The following RYR3 variants were observed in gnomAD, a reference collection of about 807,000 sequenced individuals.
RYR3 encodes the protein ryanodine receptor 3.
In RYR3, 207 loss-of-function variants were observed where a neutral mutation model predicts 584.3. The ratio of observed to expected loss-of-function variants is 0.35; its 90% CI spans 0.32 to 0.40. The LOEUF (loss-of-function observed/expected upper bound fraction) is 0.40, where lower values mean the gene tolerates loss of function less well. RYR3 is among the 10% of genes least tolerant of loss of function. The pLI is 1.00. For missense variants in RYR3, 5,616 were observed against 6,089.2 expected (o/e 0.92, Z 2.59); for synonymous variants, 2,416 against 2,248.5 (o/e 1.07, Z -2.11).
chr15:33,786,671 G>A (rs1389469913), intron 66 of RYR3, among the ~76,000 whole-genome samples: 1 of 152,158 alleles, frequency 6.6e-6, no homozygotes, highest in African/African-American at 2.4e-5. Flanking sequence ...TACAGTCCAA[G>A]GAGATAGAAG....
intron 60 of RYR3, among the ~76,000 whole-genome samples, chr15:33,765,652 A>AG (rs2072981794): frequency 1.3e-5 from 2 of 149,376 alleles, no homozygotes; most frequent in African/African-American, 5.1e-5. Flanking sequence ...AAAAAAAAAA[A>AG]AAAGAAAATA....
Position 33,842,748 on chromosome 15 carries a change from A to G in RYR3, c.13209+713A>G, listed in dbSNP as rs114698211. On this transcript the variant is annotated intron_variant, in intron 91 of 103. Coordinates refer to ENST00000634891, the MANE Select transcript of RYR3 (RefSeq NM_001036.6). ...TGAGGACTGAGGCCACAGAATGGCT[A>G]CATCCAGGTTGGGAGTTGCCAGGGT... 2.9e-3 allele frequency among the ~76,000 whole-genome samples: 446 copies of G among 152,320 alleles called. 2 individuals are homozygous for G. Among genetic ancestry groups the G allele is most frequent in the African/African-American group, 0.01 (425 of 41,560 alleles).
chr15:33,830,974 T>C lies in RYR3; in HGVS notation c.11346T>C (p.Ser3782=). ...DYLLRLQESI[S]DFYWYYSGKD... ...TCATTTGTTTTTAGGAATCAATCAG[T>C]GATTTCTACTGGTATTATTCAGGGA... Residue 3782 remains serine (S), a synonymous_variant, in exon 86 of 104, where the codon AGT becomes AGC. Coordinates refer to ENST00000634891, the MANE Select transcript of RYR3 (RefSeq NM_001036.6). 6.2e-7 allele frequency: 1 copy of C among 1,613,212 alleles called. No homozygotes were observed. The highest frequency in any genetic ancestry group is 8.5e-7 in the Non-Finnish European group (1 of 1,179,610).
chr15:33,396,054 G>C (rs906531186), intron 1 of RYR3, among the ~76,000 whole-genome samples: 1 of 152,096 alleles, frequency 6.6e-6, no homozygotes, highest in Non-Finnish European at 1.5e-5. Context: ...TCATCCACCT[G>C]TGCTGTCATT....
intron 1 of RYR3, among the ~76,000 whole-genome samples, chr15:33,330,775 G>T (rs1339227755): frequency 1.3e-5 from 2 of 152,260 alleles, no homozygotes; most frequent in East Asian, 3.9e-4. Context: ...TAGTCCCAGG[G>T]TTATCAATCC....
intron 99 of RYR3, among the ~76,000 whole-genome samples, chr15:33,858,373 T>A (rs1351979244): frequency 6.6e-6 from 1 of 151,918 alleles, no homozygotes; most frequent in African/African-American, 2.4e-5. Flanking sequence ...CCTGGCTAAT[T>A]TTGTATTTTT....
At chr15:33,572,981 TAAATAAA>T (rs1390653900) in intron 12 of RYR3, among the ~76,000 whole-genome samples, 1 of 152,078 alleles carries the variant, frequency 6.6e-6, no homozygotes, top group Non-Finnish European at 1.5e-5. Flanking sequence ...TCTCAAAAAA[TAAATAAA>T]AAATAAAAAT....
intron 2 of RYR3, among the ~76,000 whole-genome samples, chr15:33,497,888 G>A (rs1440697175): frequency 6.6e-6 from 1 of 151,932 alleles, no homozygotes; most frequent in African/African-American, 2.4e-5. Flanking sequence ...CCAGCCTCTA[G>A]TAACCACCAT....
intron 31 of RYR3, among the ~76,000 whole-genome samples, chr15:33,649,775 C>A (rs150916124): frequency 2.1e-3 from 319 of 152,308 alleles, no homozygotes; most frequent in African/African-American, 7.4e-3. Flanking sequence ...CATACCCATA[C>A]CCTCCCACTG....
At chr15:33,563,741 T>C (rs2057543314) in intron 11 of RYR3, among the ~76,000 whole-genome samples, 1 of 152,156 alleles carries the variant, frequency 6.6e-6, no homozygotes, top group African/African-American at 2.4e-5. Context: ...CCTAAGGTAG[T>C]CATGATGAAC....
intron 1 of RYR3, among the ~76,000 whole-genome samples, chr15:33,366,660 A>C (rs1259506212): frequency 6.6e-6 from 1 of 152,152 alleles, no homozygotes; most frequent in Non-Finnish European, 1.5e-5. Context: ...AAATCAGAGG[A>C]GGGGTTTGCT....
chr15:33,773,451 T>C, intron 63 of RYR3, 83 bp from the exon 64 acceptor site: 1 of 899,022 alleles, frequency 1.1e-6, no homozygotes, highest in South Asian at 1.4e-5. Context: ...TTACTGATGC[T>C]CATGCATTTT....
At chr15:33,358,342 CAAT>C (rs964018953) in intron 1 of RYR3, among the ~76,000 whole-genome samples, 1 of 152,162 alleles carries the variant, frequency 6.6e-6, no homozygotes, top group Non-Finnish European at 1.5e-5. Flanking sequence ...AGTCTATCAA[CAAT>C]AAGTGAAACT....
chr15:33,785,568 T>C (rs2074654905), intron 65 of RYR3, 94 bp from the exon 66 acceptor site: 2 of 1,029,062 alleles, frequency 1.9e-6, no homozygotes, highest in Admixed American at 2.9e-5. Flanking sequence ...AGAAATTTAT[T>C]CCTAAAGACC....
Position 33,755,926 on chromosome 15 carries a change from C to T in RYR3, c.8516-380C>T, listed in dbSNP as rs559352202. Among the ~76,000 whole-genome samples the T allele has an allele frequency of 5.5e-4, 84 of 152,188 alleles. 1 individual carries two copies. The highest frequency in any genetic ancestry group is 1.8e-3 in the African/African-American group (76 of 41,538). On this transcript the variant is annotated intron_variant, in intron 58 of 103. Coordinates refer to ENST00000634891, the MANE Select transcript of RYR3 (RefSeq NM_001036.6). The stretch of plus-strand genomic sequence containing the variant: ...CTGGAATTACAGGTGCCCACCACCA[C>T]GCCTGCCTGGCTAATTTTTGTATTT...
Position 33,700,995 on chromosome 15 carries a change from G to T in RYR3, c.6398G>T (p.Gly2133Val). The T allele has an allele frequency of 6.2e-7, 1 of 1,613,126 alleles. No homozygotes were observed. The highest frequency in any genetic ancestry group is 8.5e-7 in the Non-Finnish European group (1 of 1,179,492). The change falls in exon 42 of 104, where the codon GGA (glycine) becomes GTA (valine). Residue 2133 changes from glycine (G) to valine (V), a missense_variant. This residue lies in a region of RYR3 where 1,280 missense variants were observed against 1,426.2 expected (regional missense o/e 0.90). Transcript: ENST00000634891. ...SVGLASPSMRGSTPLDVAASS... is the reference protein window; with the variant it reads ...SVGLASPSMRVSTPLDVAASS... ...CCCTCAGCCTCCCCGTCGATGAGGGGATCCACCCCGCTGGATGTGGCAGCT... is the reference window on the plus strand; with the variant it reads ...CCCTCAGCCTCCCCGTCGATGAGGGTATCCACCCCGCTGGATGTGGCAGCT...
At chr15:33,333,658 A>G (rs573315048) in intron 1 of RYR3, among the ~76,000 whole-genome samples, 6 of 152,076 alleles carry the variant, frequency 3.9e-5, no homozygotes, top group African/African-American at 1.4e-4. Flanking sequence ...CTCTCTCACC[A>G]CTCCTATTCA....
chr15:33,692,546 C>T (rs964548647), intron 38 of RYR3, among the ~76,000 whole-genome samples: 1 of 152,032 alleles, frequency 6.6e-6, no homozygotes. Flanking sequence ...TCAGGCCTTC[C>T]ATGGAATTAC....
At chr15:33,637,575 C>T (rs2061563299) in intron 27 of RYR3, among the ~76,000 whole-genome samples, 1 of 152,192 alleles carries the variant, frequency 6.6e-6, no homozygotes, top group African/African-American at 2.4e-5. Context: ...ATGAGGGCTC[C>T]TTGTAGCCCT....
Sources: gnomAD v4.1 joint callset for allele counts (sites outside exome capture counted in the v4.1 genomes callset) on GRCh38, gnomAD v4.1.1 for gene constraint, gnomAD v4.1.1 regional missense constraint, MANE v1.5 for transcripts, NCBI Gene and HGNC (gene_info 2026-07-23, HGNC 2026-07-21) for gene names.